Variants in THNSL1 observed in about 807,000 individuals in gnomAD.
THNSL1 encodes threonine synthase like 1.
THNSL1 carries 48 observed loss-of-function variants against 50.4 expected under a neutral mutation model. The ratio of observed to expected loss-of-function variants is 0.95; its 90% CI spans 0.76 to 1.21. The LOEUF (loss-of-function observed/expected upper bound fraction) is 1.21. Among genes scored for constraint, THNSL1 ranks in the 50% most tolerant of loss-of-function variants. The pLI, the probability that THNSL1 is intolerant of heterozygous loss-of-function variation, is 0.00. For missense variants in THNSL1, 896 were observed against 871.7 expected, an observed-to-expected ratio of 1.03 and a Z score of -0.35; for synonymous variants, 309 against 306.1, an observed-to-expected ratio of 1.01 and a Z score of -0.10.
intron 2 of THNSL1, among the ~76,000 whole-genome samples, chr10:25,022,941 G>C (rs1223058200): frequency 1.3e-5 from 2 of 152,084 alleles, no homozygotes. Context: ...TTTTGTCAAA[G>C]TTTTGATTTT....
chr10:24,979,666 A>G, the THNSL1 span, among the ~76,000 whole-genome samples: 1 of 152,154 alleles, frequency 6.6e-6, no homozygotes, highest in South Asian at 2.1e-4. Flanking sequence ...ACACTGATGA[A>G]TCTCCAAACA....
the THNSL1 span, among the ~76,000 whole-genome samples, chr10:24,964,761 C>G: frequency 6.6e-6 from 1 of 152,178 alleles, no homozygotes; most frequent in East Asian, 1.9e-4. Context: ...TTAGACCTGC[C>G]TTTGACATAA....
chr10:24,980,031 C>G, the THNSL1 span, among the ~76,000 whole-genome samples: 1 of 152,228 alleles, frequency 6.6e-6, no homozygotes, highest in African/African-American at 2.4e-5. Flanking sequence ...TGCACTGCTA[C>G]AACCTTGATC....
chr10:25,012,390 T>C (rs1393531366), upstream of THNSL1, among the ~76,000 whole-genome samples: 1 of 152,132 alleles, frequency 6.6e-6, no homozygotes, highest in Non-Finnish European at 1.5e-5. Context: ...ACTGAGAGCA[T>C]GCACCATGCA....
At chr10:24,985,576 C>G in the THNSL1 span, among the ~76,000 whole-genome samples, 13 of 152,050 alleles carry the variant, frequency 8.5e-5, no homozygotes, top group Admixed American at 6.5e-4. Flanking sequence ...ATGTAGCTAA[C>G]AGTTTCTATT....
the THNSL1 span, among the ~76,000 whole-genome samples, chr10:24,989,053 C>T: frequency 6.6e-6 from 1 of 151,968 alleles, no homozygotes; most frequent in Non-Finnish European, 1.5e-5. Flanking sequence ...TCTCCTACAG[C>T]CAAAAAGACA....
the THNSL1 span, among the ~76,000 whole-genome samples, chr10:25,005,601 T>C: frequency 1.3e-5 from 2 of 152,364 alleles, no homozygotes; most frequent in African/African-American, 4.8e-5. Context: ...TAGAAAGCTA[T>C]CCAAATTATT....
intron 2 of THNSL1, among the ~76,000 whole-genome samples, chr10:25,022,690 A>G (rs1033793207): frequency 1.3e-5 from 2 of 152,214 alleles, no homozygotes; most frequent in Non-Finnish European, 2.9e-5. Flanking sequence ...CAATGTTCAT[A>G]TAACTGAAGA....
At chr10:24,989,233 A>G in the THNSL1 span, among the ~76,000 whole-genome samples, 2 of 152,200 alleles carry the variant, frequency 1.3e-5, no homozygotes, top group Admixed American at 6.5e-5. Flanking sequence ...TGAAAATGAC[A>G]TGCCAATTCT....
the THNSL1 span, chr10:24,983,049 A>T: frequency 3.3e-5 from 5 of 152,196 alleles, no homozygotes; most frequent in African/African-American, 1.2e-4. Flanking sequence ...TTACCTAAAC[A>T]TCTCATCCTG....
rs545238479 is a variant in THNSL1 at position 25,024,913 on chromosome 10, A to G, written c.1690A>G (p.Ile564Val). Residue 564 changes from isoleucine to valine, a missense_variant, in exon 3 of 3, where the codon ATA becomes GTA. By Grantham distance (29) the Ile-to-Val change is conservative (BLOSUM62 3). Coordinates refer to ENST00000376356, the MANE Select transcript of THNSL1 (RefSeq NM_024838.5). ...RKLAQTFSPS[I>V]DILKSSNLER... ...ACTAGCACAAACCTTTTCACCGTCAATAGATATTCTCAAATCTTCAAACCT... is the reference window on the plus strand; with the variant it reads ...ACTAGCACAAACCTTTTCACCGTCAGTAGATATTCTCAAATCTTCAAACCT... 4 of 1,613,820 alleles carry G rather than the reference A, an allele frequency of 2.5e-6. No individual in the cohort carries two copies. Among genetic ancestry groups the G allele is most frequent in the African/African-American group, 1.3e-5 (1 of 74,944 alleles).
At chr10:25,017,638 A>G (rs1349588116) in intron 1 of THNSL1, among the ~76,000 whole-genome samples, 1 of 128,138 alleles carries the variant, frequency 7.8e-6, no homozygotes, top group African/African-American at 3.1e-5. Context: ...TTTTTTTTGT[A>G]TACAGTTGAT....
chr10:24,963,445 A>G, the THNSL1 span, among the ~76,000 whole-genome samples: 1 of 152,242 alleles, frequency 6.6e-6, no homozygotes, highest in Non-Finnish European at 1.5e-5. Context: ...TTGCCTAATC[A>G]ACTGGGTTGA....
chr10:25,009,256 A>T, the THNSL1 span, among the ~76,000 whole-genome samples: 1 of 132,408 alleles, frequency 7.6e-6, no homozygotes, highest in Non-Finnish European at 1.5e-5. Context: ...AGAGTATAAT[A>T]AAAAAAAAAG....
Position 25,025,509 on chromosome 10 carries a change from CAA to C in THNSL1, c.*56_*57del. 4.7e-6 allele frequency: 7 copies of C among 1,496,520 alleles called. No individual in the cohort carries two copies. Among genetic ancestry groups the C allele is most frequent in the Non-Finnish European group, 6.3e-6 (7 of 1,107,990 alleles). 92.7% of individuals were successfully genotyped at this position (1,496,520 alleles called of 1,614,324 possible). A position where few individuals can be genotyped will look rare whatever the true frequency, so the allele number is the denominator to read the frequency against. On this transcript the variant is annotated 3_prime_UTR_variant, in exon 3 of 3. Coordinates refer to ENST00000376356, the MANE Select transcript of THNSL1 (RefSeq NM_024838.5). The stretch of plus-strand genomic sequence containing the variant: ...GCTATAAGCATGCAATAATAAATCT[CAA>C]ACACTGATTTGGAGTACAGTAGCAT...
the THNSL1 span, among the ~76,000 whole-genome samples, chr10:24,967,611 A>G: frequency 6.6e-6 from 1 of 151,640 alleles, no homozygotes; most frequent in South Asian, 2.1e-4. Flanking sequence ...TATGCCTTTG[A>G]TGACCTTGAT....
the THNSL1 span, among the ~76,000 whole-genome samples, chr10:25,011,479 G>A: frequency 6.6e-6 from 1 of 152,114 alleles, no homozygotes; most frequent in Non-Finnish European, 1.5e-5. Flanking sequence ...ACAAGCAATA[G>A]GGAAAGGATT....
chr10:24,999,864 G>T, the THNSL1 span, among the ~76,000 whole-genome samples: 1 of 152,128 alleles, frequency 6.6e-6, no homozygotes, highest in Non-Finnish European at 1.5e-5. Context: ...GTCTTTCTCT[G>T]CTGATCAGTC....
the THNSL1 span, chr10:24,999,627 A>T: frequency 8.0e-7 from 1 of 1,251,434 alleles, no homozygotes; most frequent in Non-Finnish European, 1.1e-6. Flanking sequence ...TAAATCTTAC[A>T]TTTTTAATTT....
Sources: gnomAD v4.1 joint callset for allele counts (sites outside exome capture counted in the v4.1 genomes callset) on GRCh38, gnomAD v4.1.1 for gene constraint, MANE v1.5 for transcripts, NCBI Gene and HGNC (gene_info 2026-07-23, HGNC 2026-07-21) for gene names.